TRIM33: variants seen among roughly 807,000 people sequenced by gnomAD.
TRIM33 encodes the protein E3 ubiquitin-protein ligase TRIM33.
A neutral mutation model predicts 125.4 loss-of-function variants in TRIM33; 20 were observed. That is an observed-to-expected ratio of 0.16 (90% confidence interval 0.11 to 0.23). TRIM33 has a LOEUF of 0.23. Among genes scored for constraint, TRIM33 ranks in the 10% least tolerant of loss-of-function variants. The probability of loss-of-function intolerance (pLI) is 1.00; values close to 1 mark genes in which losing one functional copy is unlikely to be tolerated. For missense variants in TRIM33, 920 were observed against 1,411.4 expected (o/e 0.65, Z 5.58); for synonymous variants, 564 against 513.9 (o/e 1.10, Z -1.32).
intron 1 of TRIM33, among the ~76,000 whole-genome samples, chr1:114,485,424 AT>A (rs1433047517): frequency 6.6e-6 from 1 of 152,170 alleles, no homozygotes; most frequent in Non-Finnish European, 1.5e-5. Flanking sequence ...ATCACTTCTT[AT>A]CCCTTTGCCT....
intron 4 of TRIM33, among the ~76,000 whole-genome samples, chr1:114,434,026 T>TA (rs1321453624): frequency 6.6e-6 from 1 of 152,226 alleles, no homozygotes; most frequent in Middle Eastern, 3.2e-3. Flanking sequence ...AATATTGGCA[T>TA]AAGTTGTATA....
At chr1:114,411,755 A>G (rs1255581942) in intron 11 of TRIM33, among the ~76,000 whole-genome samples, 1 of 152,204 alleles carries the variant, frequency 6.6e-6, no homozygotes, top group African/African-American at 2.4e-5. Context: ...CCCTGATGTC[A>G]TTATAACCTC....
intron 1 of TRIM33, among the ~76,000 whole-genome samples, chr1:114,500,600 T>G (rs1355598110): frequency 1.3e-5 from 2 of 150,474 alleles, no homozygotes; most frequent in African/African-American, 2.5e-5. Flanking sequence ...AAAAAGAAAT[T>G]TTTTAATTAA....
intron 1 of TRIM33, among the ~76,000 whole-genome samples, chr1:114,467,011 C>G (rs571664951): frequency 4.6e-5 from 7 of 152,230 alleles, no homozygotes; most frequent in African/African-American, 1.7e-4. Context: ...AATTGAGGTT[C>G]GGAGAGATTA....
At chr1:114,433,924 A>C (rs1327931710) in intron 4 of TRIM33, among the ~76,000 whole-genome samples, 191 bp from the exon 5 acceptor site, 2 of 152,180 alleles carry the variant, frequency 1.3e-5, no homozygotes, top group Non-Finnish European at 2.9e-5. Flanking sequence ...TGACCCTGAA[A>C]GGCCATTATG....
At chr1:114,472,969 T>C (rs1032922857) in intron 1 of TRIM33, among the ~76,000 whole-genome samples, 2 of 152,128 alleles carry the variant, frequency 1.3e-5, no homozygotes, top group African/African-American at 4.8e-5. Context: ...TATAAAGTTT[T>C]GGTGCCGCAA....
intron 14 of TRIM33, 132 bp downstream of exon 14, chr1:114,406,809 T>G: frequency 1.2e-6 from 1 of 840,102 alleles, no homozygotes; most frequent in Non-Finnish European, 1.8e-6. Flanking sequence ...AAGAGATATC[T>G]GGCTTGTGCC....
intron 17 of TRIM33, 41 bp from the exon 18 acceptor site, chr1:114,399,650 A>G (rs1307142692): frequency 6.7e-7 from 1 of 1,500,716 alleles, no homozygotes; most frequent in Non-Finnish European, 9.1e-7. Flanking sequence ...TTCTCCAAAA[A>G]TGCCAAACTG....
At chr1:114,447,757 G>C (rs1649076943) in intron 4 of TRIM33, among the ~76,000 whole-genome samples, 1 of 152,162 alleles carries the variant, frequency 6.6e-6, no homozygotes, top group African/African-American at 2.4e-5. Flanking sequence ...GTGTTCTTCT[G>C]GTAGCCAAGT....
chr1:114,444,879 G>A (rs1221816018), intron 4 of TRIM33, among the ~76,000 whole-genome samples: 1 of 152,086 alleles, frequency 6.6e-6, no homozygotes, highest in East Asian at 1.9e-4. Context: ...ATGCTGTAAT[G>A]AGCTAAAAGT....
chr1:114,402,253 A>G (rs1294672629), intron 16 of TRIM33, among the ~76,000 whole-genome samples: 1 of 152,224 alleles, frequency 6.6e-6, no homozygotes, highest in African/African-American at 2.4e-5. Context: ...TACTTTTTTA[A>G]AAAGAACACT....
intron 6 of TRIM33, among the ~76,000 whole-genome samples, chr1:114,428,939 C>A (rs1647763859): frequency 6.6e-6 from 1 of 151,876 alleles, no homozygotes; most frequent in Non-Finnish European, 1.5e-5. Flanking sequence ...ACTGCAAACT[C>A]CACTTCCCAG....
intron 4 of TRIM33, among the ~76,000 whole-genome samples, chr1:114,453,550 T>A (rs1649458813): frequency 6.6e-6 from 1 of 152,170 alleles, no homozygotes; most frequent in African/African-American, 2.4e-5. Context: ...CAAAGAGAGA[T>A]CTAGCCTTTG....
chr1:114,397,606 C>CTTTTTTTTTTTTTTTT lies in TRIM33; in HGVS notation c.*41_*42insAAAAAAAAAAAAAAAA. On this transcript the variant is annotated 3_prime_UTR_variant, in exon 20 of 20. Transcript: ENST00000358465. ...TTTTTTGTGTTTTTTTTTTTTTTTT[C>CTTTTTTTTTTTTTTTT]GTTTTTTTTTTTTTAAACAATTGAT... 1 of 289,434 alleles carries CTTTTTTTTTTTTTTTT rather than the reference C, an allele frequency of 3.5e-6. No homozygotes were observed. Among genetic ancestry groups the CTTTTTTTTTTTTTTTT allele is most frequent in the Non-Finnish European group, 5.1e-6 (1 of 197,992 alleles). 17.9% of individuals were successfully genotyped at this position (289,434 alleles called of 1,614,324 possible).
intron 1 of TRIM33, among the ~76,000 whole-genome samples, chr1:114,466,343 C>G (rs1434213637): frequency 2.0e-5 from 3 of 152,124 alleles, no homozygotes; most frequent in Admixed American, 6.5e-5. Context: ...ATGAACGTGA[C>G]TATACTAGTG....
chr1:114,413,837 T>A (rs1652754474), intron 11 of TRIM33, among the ~76,000 whole-genome samples: 1 of 151,770 alleles, frequency 6.6e-6, no homozygotes, highest in African/African-American at 2.4e-5. Context: ...AGTCAACTAT[T>A]AGTAGCAAGA....
At chr1:114,432,161 A>G (rs1647994959) in intron 5 of TRIM33, among the ~76,000 whole-genome samples, 1 of 152,188 alleles carries the variant, frequency 6.6e-6, no homozygotes, top group African/African-American at 2.4e-5. Flanking sequence ...ACCCCGTGCA[A>G]TCTTGTAACA....
chr1:114,499,879 G>A (rs1222569712), intron 1 of TRIM33, among the ~76,000 whole-genome samples: 5 of 152,178 alleles, frequency 3.3e-5, no homozygotes, highest in Non-Finnish European at 7.4e-5. Context: ...TTAAAAAATA[G>A]GTCGGGCACA....
At chr1:114,437,767 C>G (rs565234613) in intron 4 of TRIM33, among the ~76,000 whole-genome samples, 2 of 152,156 alleles carry the variant, frequency 1.3e-5, no homozygotes, top group African/African-American at 4.8e-5. Flanking sequence ...ACTTTTTGTG[C>G]TTCTGGCTAG....
Sources: allele counts gnomAD v4.1 joint callset (sites outside exome capture counted in the v4.1 genomes callset), GRCh38; gene constraint gnomAD v4.1.1; transcripts MANE v1.5; gene names NCBI Gene and HGNC (gene_info 2026-07-23, HGNC 2026-07-21).